Variants in OSBPL5 observed in about 807,000 individuals in gnomAD.
The protein encoded by OSBPL5 is oxysterol binding protein like 5, also known as oxysterol-binding protein-related protein 5.
OSBPL5 carries 71 observed loss-of-function variants against 111.2 expected under a neutral mutation model. The observed-to-expected ratio is 0.64, with a 90% CI of 0.53 to 0.78. The LOEUF (loss-of-function observed/expected upper bound fraction) is 0.78. Ranked by LOEUF, OSBPL5 falls within the 30% of genes least tolerant of loss-of-function variation. The pLI, the probability that OSBPL5 is intolerant of heterozygous loss-of-function variation, is 0.00. For synonymous variants in OSBPL5, 549 were observed against 513.9 expected, an observed-to-expected ratio of 1.07 and a Z score of -0.93; for missense variants, 1,210 against 1,189.3, an observed-to-expected ratio of 1.02 and a Z score of -0.26.
intron 2 of OSBPL5, among the ~76,000 whole-genome samples, chr11:3,127,309 C>T (rs937903262): frequency 6.6e-6 from 1 of 152,192 alleles, no homozygotes; most frequent in East Asian, 1.9e-4. Context: ...GAGTGAACCC[C>T]ATCCTGCCAA....
chr11:3,151,703 C>G (rs956777893), intron 1 of OSBPL5, among the ~76,000 whole-genome samples: 2 of 152,240 alleles, frequency 1.3e-5, no homozygotes, highest in South Asian at 2.1e-4. Context: ...AAAAGAAAAC[C>G]GGTGACTCCT....
intron 14 of OSBPL5, among the ~76,000 whole-genome samples, chr11:3,096,206 G>A (rs1410832302): frequency 1.3e-5 from 2 of 152,214 alleles, no homozygotes; most frequent in Admixed American, 6.5e-5. Context: ...CACGTGTGTG[G>A]GGGATCAAGA....
At position 3,142,887 on chromosome 11, in the gene OSBPL5, G is replaced by C. The variant is rs1369612457; in HGVS notation, c.-21-13718C>G. ...AGACCAGAGGAAAAGGACAAAACCA[G>C]TCACCCAGGACAGCGGACGGCACAC... On this transcript the variant is annotated intron_variant, in intron 1 of 21. Transcript: ENST00000263650. This position sits in a 1 kb window ranked among gnomAD's most constrained non-coding sequence, Gnocchi z 7.1. Among the ~76,000 whole-genome samples the C allele has an allele frequency of 6.6e-6, 1 of 151,724 alleles. No homozygotes were observed. Among genetic ancestry groups the C allele is most frequent in the Non-Finnish European group, 1.5e-5 (1 of 67,934 alleles).
chr11:3,104,708 G>A lies in OSBPL5; in HGVS notation c.1060-331C>T, dbSNP rs1177413226. Among the ~76,000 whole-genome samples the A allele has an allele frequency of 2.0e-5, 3 of 152,166 alleles. No individual in the cohort carries two copies. The highest frequency in any genetic ancestry group is 2.4e-5 in the African/African-American group (1 of 41,438). On this transcript the variant is annotated intron_variant, in intron 9 of 21. Coordinates refer to ENST00000263650, the MANE Select transcript of OSBPL5 (RefSeq NM_020896.4). The surrounding 1 kb of genome is among the most constrained non-coding windows in gnomAD (Gnocchi z 5.0). ...TGCTGTTGAAACCTGTCTGTGCATC[G>A]TGGGACCCTGGGCCCAGGGAACAGA...
rs144419060 is a variant in OSBPL5 at position 3,093,532 on chromosome 11, G to T, written c.1941C>A (p.Ser647=). 5.0e-6 allele frequency: 8 copies of T among 1,608,544 alleles called. No individual in the cohort carries two copies. Among genetic ancestry groups the T allele is most frequent in the African/African-American group, 4.0e-5 (3 of 74,926 alleles). ...TGGGCGCTGACAGGCCTCACCTCTC[G>T]GACTCCAGCTCCGTCTGCTCCTCCA... ...VPLEEQTELE[S]ERLWQHVTRA... The change falls in exon 17 of 22, where the codon TCC becomes TCA. Residue 647 remains serine, a synonymous_variant. Transcript: ENST00000263650.
rs551802699 is a variant in OSBPL5, at chr11:3,157,135, G to T, written c.-22+8081C>A. ...TTCACGCACTAATGATCAGAGAGCC[G>T]CGTGCCTCCGTGCAAAACACCCAGG... On this transcript the variant is annotated intron_variant, in intron 1 of 21. Coordinates refer to ENST00000263650, the MANE Select transcript of OSBPL5 (RefSeq NM_020896.4). Among the ~76,000 whole-genome samples the T allele has an allele frequency of 2.0e-5, 3 of 152,228 alleles. No homozygotes were observed. In the East Asian group the frequency reaches 5.8e-4, roughly 29 times the overall value.
intron 7 of OSBPL5, 120 bp downstream of exon 7, chr11:3,119,427 G>A: frequency 2.0e-5 from 20 of 1,011,384 alleles, no homozygotes; most frequent in Non-Finnish European, 2.8e-5. Flanking sequence ...CAGACTTCAG[G>A]CTGCCCCCAG....
Sources: gnomAD v4.1 joint callset for allele counts (sites outside exome capture counted in the v4.1 genomes callset) on GRCh38, gnomAD v4.1.1 for gene constraint, Gnocchi (gnomAD v3.1) non-coding constraint, MANE v1.5 for transcripts, NCBI Gene and HGNC (gene_info 2026-07-23, HGNC 2026-07-21) for gene names.